Variants in CAMK4 observed in about 807,000 individuals in gnomAD.
The protein encoded by CAMK4 is calcium/calmodulin-dependent protein kinase type IV.
In CAMK4, 22 loss-of-function variants were observed where a neutral mutation model predicts 44.9. The ratio of observed to expected loss-of-function variants is 0.49; its 90% confidence interval spans 0.35 to 0.70. The LOEUF (loss-of-function observed/expected upper bound fraction) is 0.70, where lower values mean the gene tolerates loss of function less well. Ranked by LOEUF, CAMK4 falls within the 30% of genes least tolerant of loss-of-function variation. The probability of loss-of-function intolerance (pLI) is 0.01; values close to 1 mark genes in which losing one functional copy is unlikely to be tolerated. For missense variants in CAMK4, 498 were observed against 586.8 expected, an observed-to-expected ratio of 0.85 and a Z score of 1.56; for synonymous variants, 218 against 215.4, an observed-to-expected ratio of 1.01 and a Z score of -0.11.
chr5:111,384,726 G>A (rs1427431907), intron 4 of CAMK4, among the ~76,000 whole-genome samples: 1 of 152,032 alleles, frequency 6.6e-6, no homozygotes, highest in African/African-American at 2.4e-5. Context: ...CTTTCCCAGT[G>A]CTTCTGCCCT....
chr5:111,293,790 A>G (rs1236067699), intron 1 of CAMK4, among the ~76,000 whole-genome samples: 1 of 114,174 alleles, frequency 8.8e-6, no homozygotes, highest in Admixed American at 1.2e-4. Context: ...TCTGTCACCC[A>G]GGCTGGAGTG....
chr5:111,423,417 C>T (rs1276416598), intron 5 of CAMK4, among the ~76,000 whole-genome samples: 1 of 152,210 alleles, frequency 6.6e-6, no homozygotes, highest in East Asian at 1.9e-4. Context: ...GTTTCTACTT[C>T]TCACAATTTA....
intron 4 of CAMK4, among the ~76,000 whole-genome samples, chr5:111,386,494 G>A (rs1205944574): frequency 6.6e-6 from 1 of 152,168 alleles, no homozygotes; most frequent in African/African-American, 2.4e-5. Flanking sequence ...GGGGCCTCAG[G>A]ATATGATCAG....
At chr5:111,391,483 G>A (rs965000668) in intron 4 of CAMK4, among the ~76,000 whole-genome samples, 4 of 151,852 alleles carry the variant, frequency 2.6e-5, no homozygotes, top group African/African-American at 9.7e-5. Flanking sequence ...GCAGAATAAA[G>A]TTCCTTTAGG....
At chr5:111,443,797 G>A (rs1353904131) in intron 5 of CAMK4, among the ~76,000 whole-genome samples, 1 of 152,086 alleles carries the variant, frequency 6.6e-6, no homozygotes, top group Non-Finnish European at 1.5e-5. Context: ...CAACACAATG[G>A]AGTTTCTAAA....
At chr5:111,247,652 T>C (rs1029737529) in intron 1 of CAMK4, among the ~76,000 whole-genome samples, 1 of 152,094 alleles carries the variant, frequency 6.6e-6, no homozygotes, top group Non-Finnish European at 1.5e-5. Flanking sequence ...AGGTAGAATT[T>C]CCCTTTCTTC....
intron 1 of CAMK4, chr5:111,266,152 G>A (rs1319971442): frequency 6.6e-6 from 1 of 151,528 alleles, no homozygotes; most frequent in Admixed American, 6.6e-5. Context: ...CAGAATAAGG[G>A]TTTGAAAAGT....
In CAMK4 at chr5:111,290,265, T is replaced by G. The variant is rs747392101; in HGVS notation, c.162-53759T>G. 3.3e-5 allele frequency among the ~76,000 whole-genome samples: 5 copies of G among 152,212 alleles called. No individual in the cohort carries two copies. Among genetic ancestry groups the G allele is most frequent in the Admixed American group, 6.5e-5 (1 of 15,284 alleles). On this transcript the variant is annotated intron_variant, in intron 1 of 10. Transcript: ENST00000282356. This position sits in a 1 kb window ranked among gnomAD's most constrained non-coding sequence, Gnocchi z 4.5. ...TCATTGTGCTGTTAGGCCACCTGCT[T>G]CTAATCTTAGAAGCAAGACCAATAG...
chr5:111,450,415 G>A (rs989381689), intron 7 of CAMK4, among the ~76,000 whole-genome samples: 6 of 151,626 alleles, frequency 4.0e-5, no homozygotes, highest in African/African-American at 1.5e-4. Context: ...CACCTACTGT[G>A]TAGTCAAGCC....
intron 7 of CAMK4, among the ~76,000 whole-genome samples, chr5:111,456,282 A>G (rs1260649613): frequency 1.8e-4 from 28 of 152,048 alleles, no homozygotes. Flanking sequence ...CGGGTGGATC[A>G]TGAGGTCAGG....
In CAMK4 at chr5:111,413,523, G is replaced by A. The variant is rs190143816; in HGVS notation, c.459+18741G>A. Among the ~76,000 whole-genome samples, 543 of 151,430 alleles carry A rather than the reference G, an allele frequency of 3.6e-3. 4 individuals carry two copies. The highest frequency in any genetic ancestry group is 0.013 in the African/African-American group (515 of 41,180). ...ACCCAGGAGGTGGAGGTTGCAGTGA[G>A]CCAAGATCGTGCCACTGCACTGCAG... On this transcript the variant is annotated intron_variant, in intron 5 of 10. Coordinates refer to ENST00000282356, the MANE Select transcript of CAMK4 (RefSeq NM_001744.6).
intron 7 of CAMK4, among the ~76,000 whole-genome samples, chr5:111,452,909 G>T (rs2112985178): frequency 6.6e-6 from 1 of 152,300 alleles, no homozygotes; most frequent in South Asian, 2.1e-4. Context: ...GGGTTGGAAG[G>T]TAGACTCTAC....
intron 1 of CAMK4, among the ~76,000 whole-genome samples, chr5:111,281,894 TA>T (rs1474192934): frequency 6.6e-6 from 1 of 151,642 alleles, no homozygotes; most frequent in East Asian, 1.9e-4. Flanking sequence ...CCGTCTCTAC[TA>T]AAAATACAAA....
intron 5 of CAMK4, among the ~76,000 whole-genome samples, chr5:111,401,462 A>G (rs1358193201): frequency 6.6e-6 from 1 of 152,192 alleles, no homozygotes; most frequent in East Asian, 1.9e-4. Flanking sequence ...AAAGACTGTG[A>G]TGATGGTGGT....
At position 111,493,420 on chromosome 5, in the gene CAMK4, C is replaced by CA. The variant is rs1392641224; in HGVS notation, c.*8960dup. 2 of 152,040 alleles carry CA rather than the reference C, an allele frequency of 1.3e-5. No homozygotes were observed. The highest frequency in any genetic ancestry group is 2.9e-5 in the Non-Finnish European group (2 of 67,994). The allele number at this position is 152,040 out of a possible 1,614,324, so 9.4% of individuals were successfully genotyped here. A position where few individuals can be genotyped will look rare whatever the true frequency, so the allele number is the denominator to read the frequency against. ...ATTTCTGAAAAATGTCTCATGACTC[C>CA]AAAAAATCACGTACTTCCTAAAATG... is the stretch of plus-strand genomic sequence containing the variant. On this transcript the variant is annotated 3_prime_UTR_variant, in exon 11 of 11. Coordinates refer to ENST00000282356, the MANE Select transcript of CAMK4 (RefSeq NM_001744.6). The surrounding 1 kb of genome is among the most constrained non-coding windows in gnomAD (Gnocchi z 4.1).
At chr5:111,424,595 C>T (rs1753151996) in intron 5 of CAMK4, among the ~76,000 whole-genome samples, 1 of 151,566 alleles carries the variant, frequency 6.6e-6, no homozygotes, top group Admixed American at 6.6e-5. Context: ...CAGGTGCCCA[C>T]CACCACGCCC....
At chr5:111,260,529 C>T (rs73230481) in intron 1 of CAMK4, among the ~76,000 whole-genome samples, 2 of 152,082 alleles carry the variant, frequency 1.3e-5, no homozygotes, top group Non-Finnish European at 2.9e-5. Flanking sequence ...CAGTTATAAC[C>T]CAGTGTTCTT....
chr5:111,371,122 A>C (rs1429865655), intron 2 of CAMK4, among the ~76,000 whole-genome samples: 1 of 152,070 alleles, frequency 6.6e-6, no homozygotes, highest in East Asian at 1.9e-4. Context: ...GAACTTTTAG[A>C]GTCTTTTGCT....
At chr5:111,332,095 T>C (rs1477603170) in intron 1 of CAMK4, among the ~76,000 whole-genome samples, 1 of 151,686 alleles carries the variant, frequency 6.6e-6, no homozygotes, top group Non-Finnish European at 1.5e-5. Context: ...TTATTATTAT[T>C]ATACTTTAAG....
Sources: gnomAD v4.1 joint callset for allele counts (sites outside exome capture counted in the v4.1 genomes callset) on GRCh38, gnomAD v4.1.1 for gene constraint, Gnocchi (gnomAD v3.1) non-coding constraint, MANE v1.5 for transcripts, NCBI Gene and HGNC (gene_info 2026-07-23, HGNC 2026-07-21) for gene names.